The following CDYL variants were observed in gnomAD, a reference collection of about 807,000 sequenced individuals.
CDYL encodes the protein chromodomain Y like, also known as chromodomain Y-like protein.
Under a neutral mutation model 47.3 loss-of-function variants are expected in CDYL, and 8 were observed. The ratio of observed to expected loss-of-function variants is 0.17; its 90% CI spans 0.10 to 0.31. The LOEUF (loss-of-function observed/expected upper bound fraction) is 0.31, where lower values mean the gene tolerates loss of function less well. CDYL is among the 10% of genes least tolerant of loss of function. The pLI is 1.00. For missense variants in CDYL, 471 were observed against 701.4 expected (o/e 0.67, Z 3.71); for synonymous variants, 266 against 265.0 (o/e 1.00, Z -0.04).
intron 2 of CDYL, chr6:4,734,648 A>AGTGAGAG (rs67832749): frequency 3.1e-5 from 43 of 1,387,820 alleles, no homozygotes; most frequent in Non-Finnish European, 4.2e-5. Context: ...CTCCTAATTC[A>AGTGAGAG]GGAAGGGGAG....
At chr6:4,855,266 TCAAA>T (rs1372364087) in intron 1 of CDYL, among the ~76,000 whole-genome samples, 1 of 152,148 alleles carries the variant, frequency 6.6e-6, no homozygotes, top group African/African-American at 2.4e-5. Flanking sequence ...TATCCTCCCA[TCAAA>T]CAGTTTAAAA....
intron 1 of CDYL, among the ~76,000 whole-genome samples, chr6:4,805,949 C>T (rs1404938561): frequency 6.6e-6 from 1 of 152,224 alleles, no homozygotes; most frequent in African/African-American, 2.4e-5. Context: ...GTAAAACTCA[C>T]CAGAGGGGCT....
chr6:4,953,629 C>T (rs528034376), intron 6 of CDYL, among the ~76,000 whole-genome samples: 18 of 152,294 alleles, frequency 1.2e-4, no homozygotes, highest in South Asian at 4.1e-4. Context: ...GCGGCAGTGG[C>T]GCGGGGCCGA....
At chr6:4,886,186 A>C (rs943239363) in intron 1 of CDYL, among the ~76,000 whole-genome samples, 2 of 152,202 alleles carry the variant, frequency 1.3e-5, no homozygotes, top group Non-Finnish European at 2.9e-5. Context: ...TGAGTATTAT[A>C]AACAGTGCTG....
Position 4,954,005 on chromosome 6 carries a change from G to C in CDYL, c.1584G>C (p.Gln528His), listed in dbSNP as rs1561729465. ...TGAAGAAAATCTGGGGCTCGGCCCA[G>C]GGGATGGACTCCATGTTAAAGTACT... is the stretch of plus-strand genomic sequence containing the variant. ...EVLKKIWGSA[Q>H]GMDSMLKYLQ... The change falls in exon 7 of 7, where the codon CAG becomes CAC. Residue 528 changes from glutamine (Q) to histidine (H), a missense_variant. Physicochemically the swap from Gln to His is conservative, Grantham distance 24. Around this residue, in one of 3 missense-constraint regions of CDYL, gnomAD observed 57 missense variants for 74.3 expected, o/e 0.77. Transcript: ENST00000397588. 3 of 1,614,132 alleles carry C rather than the reference G, an allele frequency of 1.9e-6. No homozygotes were observed. Among genetic ancestry groups the C allele is most frequent in the Non-Finnish European group, 2.5e-6 (3 of 1,180,020 alleles).
intron 1 of CDYL, among the ~76,000 whole-genome samples, chr6:4,888,086 A>G (rs1452141799): frequency 1.3e-5 from 2 of 152,048 alleles, no homozygotes; most frequent in East Asian, 1.9e-4. Context: ...GCGGAATTCA[A>G]TTTGCGAATG....
intron 2 of CDYL, among the ~76,000 whole-genome samples, chr6:4,899,455 C>T (rs1756950797): frequency 6.6e-6 from 1 of 152,084 alleles, no homozygotes; most frequent in Admixed American, 6.6e-5. Flanking sequence ...GGAGAAGTTC[C>T]TAGACAAAAG....
intron 1 of CDYL, among the ~76,000 whole-genome samples, 190 bp from the exon 2 acceptor site, chr6:4,891,523 C>CTTG (rs1200810315): frequency 2.6e-5 from 4 of 152,196 alleles, no homozygotes; most frequent in African/African-American, 9.6e-5. Context: ...AATTTAGCAT[C>CTTG]TTGTTTGACT....
intron 1 of CDYL, among the ~76,000 whole-genome samples, chr6:4,785,047 T>C (rs1758719211): frequency 6.6e-6 from 1 of 152,246 alleles, no homozygotes; most frequent in African/African-American, 2.4e-5. Context: ...GTCTCGGGTA[T>C]GTCTTTATTA....
chr6:4,802,497 C>T (rs1759253802), intron 1 of CDYL, among the ~76,000 whole-genome samples: 2 of 152,096 alleles, frequency 1.3e-5, no homozygotes, highest in Non-Finnish European at 2.9e-5. Context: ...TATGATTGCA[C>T]CACTGTATTC....
chr6:4,901,672 A>G (rs191445513), intron 2 of CDYL, among the ~76,000 whole-genome samples: 1 of 152,198 alleles, frequency 6.6e-6, no homozygotes, highest in Non-Finnish European at 1.5e-5. Context: ...TGTCACACTG[A>G]TAAGTGAATT....
intron 1 of CDYL, among the ~76,000 whole-genome samples, chr6:4,809,198 G>C (rs1387410445): frequency 1.3e-5 from 2 of 152,136 alleles, no homozygotes; most frequent in African/African-American, 4.8e-5. Flanking sequence ...TATGGTATAA[G>C]ATACTCTTCT....
chr6:4,955,188 CAT>C lies in CDYL; in HGVS notation c.*1133_*1134del, dbSNP rs748888892. 5 of 152,710 alleles carry C rather than the reference CAT, an allele frequency of 3.3e-5. No individual in the cohort carries two copies. The East Asian group carries it at 5.8e-4, about 18-fold the overall frequency. 9.5% of individuals were successfully genotyped at this position (152,710 alleles called of 1,614,324 possible). On this transcript the variant is annotated 3_prime_UTR_variant, in exon 7 of 7. Transcript: ENST00000397588. ...TCCAAGAGTGCCCTGTGTGGATAGA[CAT>C]GTGCACTCCTTCCAGGAGTGGGTAC...
chr6:4,836,824 T>C (rs2127456805), intron 1 of CDYL, among the ~76,000 whole-genome samples: 1 of 152,308 alleles, frequency 6.6e-6, no homozygotes, highest in South Asian at 2.1e-4. Flanking sequence ...TCTGGCACCT[T>C]GATGGAGATG....
At chr6:4,860,479 G>A (rs916067819) in intron 1 of CDYL, among the ~76,000 whole-genome samples, 1 of 146,766 alleles carries the variant, frequency 6.8e-6, no homozygotes, top group Non-Finnish European at 1.5e-5. Flanking sequence ...TCTCTTAGAG[G>A]GACAGAACTA....
intron 1 of CDYL, among the ~76,000 whole-genome samples, chr6:4,805,201 T>C (rs1759335775): frequency 6.6e-6 from 1 of 152,242 alleles, no homozygotes. Context: ...TAAGTTTTGC[T>C]TTACTTTTAG....
chr6:4,790,235 C>A (rs1428361032), intron 1 of CDYL, among the ~76,000 whole-genome samples: 1 of 152,118 alleles, frequency 6.6e-6, no homozygotes, highest in Non-Finnish European at 1.5e-5. Context: ...ACTAATGAAA[C>A]CTTTTAAATA....
At chr6:4,832,684 C>T (rs1391459047) in intron 1 of CDYL, among the ~76,000 whole-genome samples, 17 of 149,148 alleles carry the variant, frequency 1.1e-4, no homozygotes, top group South Asian at 8.6e-4. Flanking sequence ...TGGTAGAATT[C>T]GGCTGTGAAT....
At chr6:4,933,729 C>T (rs1374561178) in intron 2 of CDYL, among the ~76,000 whole-genome samples, 2 of 152,198 alleles carry the variant, frequency 1.3e-5, no homozygotes, top group African/African-American at 4.8e-5. Flanking sequence ...CTGGTAACAT[C>T]CGACCCAGTG....
Sources: gnomAD v4.1 joint callset for allele counts (sites outside exome capture counted in the v4.1 genomes callset) on GRCh38, gnomAD v4.1.1 for gene constraint, gnomAD v4.1.1 regional missense constraint, MANE v1.5 for transcripts, NCBI Gene and HGNC (gene_info 2026-07-23, HGNC 2026-07-21) for gene names.